Variants in UBAC2 observed in about 807,000 individuals in gnomAD.
The protein encoded by UBAC2 is UBA domain containing 2, also known as ubiquitin-associated domain-containing protein 2.
Under a neutral mutation model 44.0 loss-of-function variants are expected in UBAC2, and 26 were observed. The ratio of observed to expected loss-of-function variants is 0.59; its 90% CI spans 0.43 to 0.82. UBAC2 has a LOEUF of 0.82. Ranked by LOEUF, UBAC2 falls within the 40% of genes least tolerant of loss-of-function variation. The pLI, the probability that UBAC2 is intolerant of heterozygous loss-of-function variation, is 0.00. For synonymous variants in UBAC2, 155 were observed against 154.3 expected (o/e 1.00, Z -0.04); for missense variants, 329 against 419.4 (o/e 0.78, Z 1.88).
intron 4 of UBAC2, among the ~76,000 whole-genome samples, chr13:99,289,680 A>G (rs1193279204): frequency 1.3e-5 from 2 of 151,924 alleles, no homozygotes; most frequent in Non-Finnish European, 2.9e-5. Flanking sequence ...CTTATGTTGC[A>G]GCCACGAAAT....
intron 7 of UBAC2, among the ~76,000 whole-genome samples, chr13:99,365,078 T>C (rs1421152059): frequency 6.6e-6 from 1 of 152,222 alleles, no homozygotes; most frequent in East Asian, 1.9e-4. Flanking sequence ...AGTTATACTT[T>C]TCTAGAAAGT....
At chr13:99,242,606 A>C (rs1436486781) in intron 2 of UBAC2, among the ~76,000 whole-genome samples, 12 of 61,560 alleles carry the variant, frequency 1.9e-4, no homozygotes, top group South Asian at 6.3e-4. Context: ...CTCACCTCCC[A>C]GACGGGGTGG....
intron 1 of UBAC2, among the ~76,000 whole-genome samples, chr13:99,237,349 A>T (rs2142724443): frequency 6.6e-6 from 1 of 152,288 alleles, no homozygotes; most frequent in Non-Finnish European, 1.5e-5. Context: ...ATTTGCAGCC[A>T]CATGGATGGA....
At chr13:99,349,773 T>C (rs1165763213) in intron 7 of UBAC2, among the ~76,000 whole-genome samples, 1 of 152,164 alleles carries the variant, frequency 6.6e-6, no homozygotes, top group African/African-American at 2.4e-5. Flanking sequence ...GGGAGGAACA[T>C]GAAAGTGGAC....
intron 4 of UBAC2, among the ~76,000 whole-genome samples, chr13:99,277,082 G>C (rs2043893556): frequency 6.6e-6 from 1 of 152,088 alleles, no homozygotes; most frequent in Non-Finnish European, 1.5e-5. Flanking sequence ...TAGTGTTGCT[G>C]TTTTCTAACT....
chr13:99,343,543 T>C (rs556980960), intron 7 of UBAC2, among the ~76,000 whole-genome samples: 12 of 152,326 alleles, frequency 7.9e-5, no homozygotes, highest in African/African-American at 2.6e-4. Context: ...TCCTCCACTT[T>C]CATAGGATGG....
At chr13:99,219,589 A>AT (rs1231014256) in intron 1 of UBAC2, among the ~76,000 whole-genome samples, 1 of 152,074 alleles carries the variant, frequency 6.6e-6, no homozygotes, top group Non-Finnish European at 1.5e-5. Context: ...ATTTTTTTCA[A>AT]TTTTTTTAAG....
chr13:99,340,216 A>G, intron 6 of UBAC2, 104 bp from the exon 7 acceptor site: 1 of 1,322,148 alleles, frequency 7.6e-7, no homozygotes, highest in Non-Finnish European at 1.0e-6. Flanking sequence ...TATGACTAAG[A>G]AAAATACCGT....
At chr13:99,368,726 T>C (rs1451665307) in intron 8 of UBAC2, among the ~76,000 whole-genome samples, 1 of 145,480 alleles carries the variant, frequency 6.9e-6, no homozygotes, top group Non-Finnish European at 1.5e-5. Flanking sequence ...TGTGTGTGTG[T>C]ACACATACCC....
intron 6 of UBAC2, among the ~76,000 whole-genome samples, chr13:99,324,689 A>G (rs2044614289): frequency 6.6e-6 from 1 of 152,180 alleles, no homozygotes; most frequent in Admixed American, 6.5e-5. Flanking sequence ...AGGCACAGGG[A>G]AATTAACTAC....
chr13:99,366,739 G>A (rs1217192402), intron 7 of UBAC2, among the ~76,000 whole-genome samples: 1 of 152,110 alleles, frequency 6.6e-6, no homozygotes, highest in African/African-American at 2.4e-5. Context: ...CGCATCTTCC[G>A]AACTCAAACA....
intron 4 of UBAC2, among the ~76,000 whole-genome samples, chr13:99,266,854 C>T (rs1220046347): frequency 1.3e-5 from 2 of 152,202 alleles, no homozygotes; most frequent in Non-Finnish European, 2.9e-5. Flanking sequence ...TCAGTCCCTA[C>T]TTTCAGTTCT....
intron 6 of UBAC2, among the ~76,000 whole-genome samples, chr13:99,325,692 T>C (rs1006082714): frequency 3.3e-5 from 5 of 152,196 alleles, no homozygotes; most frequent in African/African-American, 1.2e-4. Context: ...TAACTCTCCT[T>C]TTCCCTCTGC....
Sources: allele counts gnomAD v4.1 joint callset (sites outside exome capture counted in the v4.1 genomes callset), GRCh38; gene constraint gnomAD v4.1.1; transcripts MANE v1.5; gene names NCBI Gene and HGNC (gene_info 2026-07-23, HGNC 2026-07-21).